The following CADM2 variants were observed in gnomAD, a reference collection of about 807,000 sequenced individuals.
CADM2 encodes the protein immunoglobulin superfamily member 4D.
CADM2 carries 12 observed loss-of-function variants against 49.8 expected under a neutral mutation model. The ratio of observed to expected loss-of-function variants is 0.24; its 90% CI spans 0.15 to 0.39. The LOEUF (loss-of-function observed/expected upper bound fraction) is 0.39, where lower values mean the gene tolerates loss of function less well. Among genes scored for constraint, CADM2 ranks in the 10% least tolerant of loss-of-function variants. The probability of loss-of-function intolerance (pLI) is 1.00; values close to 1 mark genes in which losing one functional copy is unlikely to be tolerated. For synonymous variants in CADM2, 214 were observed against 175.4 expected, an observed-to-expected ratio of 1.22 and a Z score of -1.74; for missense variants, 378 against 492.3, an observed-to-expected ratio of 0.77 and a Z score of 2.20.
intron 1 of CADM2, among the ~76,000 whole-genome samples, chr3:85,007,575 C>T (rs191065469): frequency 2.6e-5 from 4 of 151,902 alleles, no homozygotes; most frequent in East Asian, 1.9e-4. Flanking sequence ...AGTTTAACTC[C>T]GAGAGAATGC....
At chr3:85,818,369 T>G (rs552624819) in intron 3 of CADM2, among the ~76,000 whole-genome samples, 2 of 152,156 alleles carry the variant, frequency 1.3e-5, no homozygotes, top group Non-Finnish European at 2.9e-5. Context: ...CCTCTGAGTC[T>G]GTGCGACAAA....
chr3:85,265,569 CA>C (rs1435920378), intron 1 of CADM2, among the ~76,000 whole-genome samples: 1 of 151,928 alleles, frequency 6.6e-6, no homozygotes, highest in Non-Finnish European at 1.5e-5. Flanking sequence ...TCAAAATGGA[CA>C]TTAATTCATG....
chr3:86,002,328 A>G (rs1730285719), intron 8 of CADM2, among the ~76,000 whole-genome samples: 1 of 152,140 alleles, frequency 6.6e-6, no homozygotes, highest in African/African-American at 2.4e-5. Flanking sequence ...ATGCAAGGTT[A>G]TTATTCTTTT....
chr3:85,061,935 A>C (rs868046698), intron 1 of CADM2, among the ~76,000 whole-genome samples: 23 of 151,484 alleles, frequency 1.5e-4, no homozygotes, highest in South Asian at 2.1e-4. Flanking sequence ...AAAACATACT[A>C]TCAGAAAGAA....
At chr3:85,884,662 T>C (rs139709149) in intron 4 of CADM2, among the ~76,000 whole-genome samples, 21 of 152,116 alleles carry the variant, frequency 1.4e-4, no homozygotes, top group Non-Finnish European at 2.5e-4. Context: ...ATTTTTCATG[T>C]ATCTTTGTTG....
At chr3:85,288,046 T>C (rs1016152910) in intron 1 of CADM2, among the ~76,000 whole-genome samples, 10 of 151,902 alleles carry the variant, frequency 6.6e-5, no homozygotes, top group Non-Finnish European at 1.5e-4. Context: ...TGTATACATA[T>C]GTAACAAACC....
intron 2 of CADM2, among the ~76,000 whole-genome samples, chr3:85,799,132 C>T (rs2071825751): frequency 6.6e-6 from 1 of 152,124 alleles, no homozygotes; most frequent in Non-Finnish European, 1.5e-5. Context: ...TATCCTGAGA[C>T]TTTGTTGAAG....
chr3:85,507,285 T>G (rs2040399533), intron 1 of CADM2, among the ~76,000 whole-genome samples: 1 of 151,654 alleles, frequency 6.6e-6, no homozygotes, highest in South Asian at 2.1e-4. Context: ...CCTCCCATGT[T>G]CAAACGATTC....
intron 1 of CADM2, among the ~76,000 whole-genome samples, chr3:85,098,790 G>A (rs2037902177): frequency 6.6e-6 from 1 of 152,144 alleles, no homozygotes; most frequent in African/African-American, 2.4e-5. Context: ...CCTCGTGAAT[G>A]CTGTATTTTT....
chr3:85,156,433 G>A (rs1042290275), intron 1 of CADM2, among the ~76,000 whole-genome samples: 2 of 152,098 alleles, frequency 1.3e-5, no homozygotes, highest in African/African-American at 4.8e-5. Context: ...GGAAGAAGTT[G>A]AATCTCTGAA....
chr3:85,264,516 C>A (rs2043079839), intron 1 of CADM2, among the ~76,000 whole-genome samples: 1 of 152,010 alleles, frequency 6.6e-6, no homozygotes, highest in Non-Finnish European at 1.5e-5. Flanking sequence ...TGCCTAGTTT[C>A]TGGCACTGTT....
intron 1 of CADM2, among the ~76,000 whole-genome samples, chr3:85,550,193 T>C (rs2061766996): frequency 6.6e-6 from 1 of 152,164 alleles, no homozygotes; most frequent in African/African-American, 2.4e-5. Context: ...TCTAGTTTAT[T>C]ACATTTTACT....
At chr3:85,622,093 A>G (rs2063995290) in intron 1 of CADM2, among the ~76,000 whole-genome samples, 2 of 152,192 alleles carry the variant, frequency 1.3e-5, no homozygotes, top group African/African-American at 2.4e-5. Flanking sequence ...TGGATAGTCT[A>G]TTTTCATTAG....
At chr3:85,803,526 T>TAGATAGAC (rs2072200748) in intron 3 of CADM2, among the ~76,000 whole-genome samples, 1 of 152,004 alleles carries the variant, frequency 6.6e-6, no homozygotes, top group African/African-American at 2.4e-5. Context: ...GATAGATAGA[T>TAGATAGAC]AGATAGATCA....
chr3:85,533,095 C>T (rs62252509), intron 1 of CADM2, among the ~76,000 whole-genome samples: 77,895 of 151,934 alleles, frequency 0.51, 23,045 homozygotes, highest in East Asian at 0.85. Context: ...TTACAGTAAA[C>T]CCCCATGACA....
chr3:85,101,136 C>G (rs562642926), intron 1 of CADM2, among the ~76,000 whole-genome samples: 46 of 152,210 alleles, frequency 3.0e-4, no homozygotes, highest in African/African-American at 1.0e-3. Flanking sequence ...CACCTGTAAT[C>G]CCAGCTACTT....
intron 1 of CADM2, among the ~76,000 whole-genome samples, chr3:85,132,383 G>A (rs2039261062): frequency 6.6e-6 from 1 of 152,100 alleles, no homozygotes; most frequent in African/African-American, 2.4e-5. Context: ...TTAGAACTTT[G>A]GAGTTTGAGG....
At chr3:85,429,003 G>A (rs2036548984) in intron 1 of CADM2, among the ~76,000 whole-genome samples, 1 of 151,726 alleles carries the variant, frequency 6.6e-6, no homozygotes, top group East Asian at 1.9e-4. Context: ...TATTCCTTTG[G>A]CTCAAAATGT....
At chr3:85,440,154 A>T (rs1897699) in intron 1 of CADM2, among the ~76,000 whole-genome samples, 74,524 of 152,090 alleles carry the variant, frequency 0.49, 21,955 homozygotes, top group East Asian at 0.83. Context: ...TAGAAAAAAT[A>T]GCAGAAGTGC....
Sources: allele counts gnomAD v4.1 joint callset (sites outside exome capture counted in the v4.1 genomes callset), GRCh38; gene constraint gnomAD v4.1.1; transcripts MANE v1.5; gene names NCBI Gene and HGNC (gene_info 2026-07-23, HGNC 2026-07-21).